Variants in ARHGAP23 observed in about 807,000 individuals in gnomAD.
ARHGAP23 encodes rho GTPase-activating protein 23.
A neutral mutation model predicts 136.3 loss-of-function variants in ARHGAP23; 34 were observed. That is an observed-to-expected ratio of 0.25 (90% CI 0.19 to 0.33). The LOEUF is 0.33. ARHGAP23 is among the 10% of genes least tolerant of loss of function. ARHGAP23 has a pLI of 1.00. For synonymous variants in ARHGAP23, 832 were observed against 920.5 expected, an observed-to-expected ratio of 0.90 and a Z score of 1.74; for missense variants, 1,808 against 2,139.0, an observed-to-expected ratio of 0.85 and a Z score of 3.05.
chr17:38,479,999 G>A (rs1597817213), intron 14 of ARHGAP23, 116 bp downstream of exon 14: 1 of 1,411,022 alleles, frequency 7.1e-7, no homozygotes, highest in Non-Finnish European at 9.6e-7. Flanking sequence ...CTGTGTGCCA[G>A]GGCTACCGGT....
intron 17 of ARHGAP23, 156 bp from the exon 18 acceptor site, chr17:38,489,946 T>A: frequency 1.5e-6 from 1 of 677,596 alleles, no homozygotes; most frequent in South Asian, 1.8e-5. Context: ...AGTGCAGCTG[T>A]GGTGGGTGTG....
intron 1 of ARHGAP23, among the ~76,000 whole-genome samples, chr17:38,422,395 C>T (rs755292566): frequency 1.3e-5 from 2 of 152,210 alleles, no homozygotes; most frequent in Non-Finnish European, 2.9e-5. Flanking sequence ...TTTTGTAAGG[C>T]ATCTTTGAGC....
chr17:38,467,027 C>G lies in ARHGAP23; in HGVS notation c.1344C>G (p.Thr448=), dbSNP rs1009480965. 1 of 1,550,918 alleles carries G rather than the reference C, an allele frequency of 6.4e-7. No individual in the cohort carries two copies. The highest frequency in any genetic ancestry group is 2.4e-5 in the East Asian group (1 of 40,922). Residue 448 remains threonine (T), a synonymous_variant, in exon 7 of 24, where the codon ACC becomes ACG. Transcript: ENST00000622683. Reference sequence around the variant, plus strand: ...ACTCACCCTTTGGGGGGCTGCCTACCTTCAACCTGGCCCAGTCCCCTGCGT... The same window carrying G: ...ACTCACCCTTTGGGGGGCTGCCTACGTTCAACCTGGCCCAGTCCCCTGCGT... ...FRDSPFGGLP[T]FNLAQSPASF...
chr17:38,467,388 C>T, intron 7 of ARHGAP23, 57 bp downstream of exon 7: 1 of 1,429,266 alleles, frequency 7.0e-7, no homozygotes, highest in South Asian at 1.5e-5. Context: ...TGTCTGTGTC[C>T]TGCTGTACCC....
Position 38,466,298 on chromosome 17 carries a change from C to T in ARHGAP23, c.615C>T (p.Ala205=). ...YAPPARASTR[A]TMVPEPTSAL... is the part of the protein sequence containing the mutation. Reference sequence around the variant, plus strand: ...CTCCTGCCCGGGCCTCCACCAGGGCCACTATGGTGCCTGAGCCCACCTCAG... The same window carrying T: ...CTCCTGCCCGGGCCTCCACCAGGGCTACTATGGTGCCTGAGCCCACCTCAG... Residue 205 remains alanine, a synonymous_variant, in exon 7 of 24, where the codon GCC becomes GCT. Coordinates refer to ENST00000622683, the MANE Select transcript of ARHGAP23 (RefSeq NM_001199417.2). 2 of 1,547,150 alleles carry T rather than the reference C, an allele frequency of 1.3e-6. No individual in the cohort carries two copies. The highest frequency in any genetic ancestry group is 1.7e-6 in the Non-Finnish European group (2 of 1,146,786).
At position 38,466,821 on chromosome 17, in the gene ARHGAP23, TG is replaced by T. The variant is rs1457774458; in HGVS notation, c.1141del (p.Ala381LeufsTer111). On this transcript the variant is annotated frameshift_variant, in exon 7 of 24. Coordinates refer to ENST00000622683, the MANE Select transcript of ARHGAP23 (RefSeq NM_001199417.2). LOFTEE classifies it high-confidence loss of function. ...LVSPRFERCG[W>X]ASQRSSARTP... The stretch of plus-strand genomic sequence containing the variant: ...GTCACCCCGCTTTGAGCGGTGTGGC[TG>T]GGCTTCCCAGCGTTCGTCTGCCCGC... The T allele has an allele frequency of 6.5e-7, 1 of 1,549,042 alleles. No homozygotes were observed. Among genetic ancestry groups the T allele is most frequent in the Non-Finnish European group, 8.7e-7 (1 of 1,146,538 alleles).
intron 1 of ARHGAP23, chr17:38,452,585 A>G (rs904343580): frequency 3.9e-5 from 6 of 152,212 alleles, no homozygotes; most frequent in Non-Finnish European, 7.3e-5. Flanking sequence ...CGGTGCTGCC[A>G]TAACAAGCTG....
chr17:38,484,708 G>C (rs1368111441), intron 16 of ARHGAP23, among the ~76,000 whole-genome samples: 2 of 152,112 alleles, frequency 1.3e-5, no homozygotes, highest in African/African-American at 2.4e-5. Context: ...TGAGATGAGG[G>C]GGCCATGCTG....
At chr17:38,480,481 A>G (rs2040010040) in intron 14 of ARHGAP23, among the ~76,000 whole-genome samples, 6 of 152,098 alleles carry the variant, frequency 3.9e-5, no homozygotes, top group Admixed American at 1.3e-4. Flanking sequence ...AAAAATACAA[A>G]AAATTAGCCG....
In ARHGAP23 at chr17:38,482,508, C is replaced by T. The variant is rs756901567; in HGVS notation, c.2752-15C>T. On this transcript the variant is annotated splice_polypyrimidine_tract_variant and intron_variant, in intron 15 of 23. Transcript: ENST00000622683. Reference sequence around the variant, plus strand: ...GGCCCCTGTCCCCCCTAACACCCCTCCCATGTGTCCCCAGCGCGTCCCCTT... The same window carrying T: ...GGCCCCTGTCCCCCCTAACACCCCTTCCATGTGTCCCCAGCGCGTCCCCTT... The T allele has an allele frequency of 3.9e-6, 6 of 1,533,290 alleles. No homozygotes were observed. The highest frequency in any genetic ancestry group is 1.2e-5 in the South Asian group (1 of 82,574). 95.0% of individuals were successfully genotyped at this position (1,533,290 alleles called of 1,614,324 possible).
chr17:38,491,339 T>C, intron 19 of ARHGAP23, 68 bp from the exon 20 acceptor site: 2 of 1,545,488 alleles, frequency 1.3e-6, no homozygotes, highest in Non-Finnish European at 1.7e-6. Context: ...GACAGAGGCC[T>C]CAGGTGCCAG....
chr17:38,422,495 C>T (rs2038529206), intron 1 of ARHGAP23, among the ~76,000 whole-genome samples: 1 of 152,160 alleles, frequency 6.6e-6, no homozygotes, highest in Non-Finnish European at 1.5e-5. Flanking sequence ...GGCTGGGTTT[C>T]CCAAACGTAG....
intron 1 of ARHGAP23, among the ~76,000 whole-genome samples, chr17:38,439,013 T>C (rs1162809315): frequency 1.3e-5 from 2 of 150,270 alleles, no homozygotes; most frequent in Non-Finnish European, 3.0e-5. Context: ...CATACATACA[T>C]AAAAATACAA....
chr17:38,439,733 T>A (rs1205573814), intron 1 of ARHGAP23, among the ~76,000 whole-genome samples: 1 of 151,890 alleles, frequency 6.6e-6, no homozygotes, highest in Non-Finnish European at 1.5e-5. Flanking sequence ...GAAGTGGGCC[T>A]GAGTCAGGAT....
intron 3 of ARHGAP23, among the ~76,000 whole-genome samples, chr17:38,461,501 C>T (rs989634415): frequency 6.6e-6 from 1 of 152,222 alleles, no homozygotes; most frequent in Admixed American, 6.5e-5. Flanking sequence ...GGCAGCCTTC[C>T]TGCTCTGCCA....
At chr17:38,436,462 G>T (rs573521580) in intron 1 of ARHGAP23, among the ~76,000 whole-genome samples, 51 of 152,308 alleles carry the variant, frequency 3.3e-4, no homozygotes, top group African/African-American at 1.2e-3. Flanking sequence ...GCAGGAGAAG[G>T]CCCTGATCCC....
At chr17:38,505,137 C>T (rs2040606040) in intron 23 of ARHGAP23, among the ~76,000 whole-genome samples, 2 of 150,988 alleles carry the variant, frequency 1.3e-5, no homozygotes, top group Non-Finnish European at 3.0e-5. Context: ...CCTGAGTTAG[C>T]TGGACTACAG....
At chr17:38,499,100 C>T (rs906703079) in intron 22 of ARHGAP23, 3 of 641,114 alleles carry the variant, frequency 4.7e-6, no homozygotes, top group Non-Finnish European at 8.5e-6. Flanking sequence ...TCCACTTACC[C>T]CAGCAGTCCA....
intron 23 of ARHGAP23, among the ~76,000 whole-genome samples, chr17:38,501,523 G>T (rs889351534): frequency 2.7e-5 from 4 of 150,482 alleles, no homozygotes; most frequent in Non-Finnish European, 4.4e-5. Flanking sequence ...GGATGGTCTT[G>T]ATCTCCTGAC....
Sources: gnomAD v4.1 joint callset for allele counts (sites outside exome capture counted in the v4.1 genomes callset) on GRCh38, gnomAD v4.1.1 for gene constraint, MANE v1.5 for transcripts, NCBI Gene and HGNC (gene_info 2026-07-23, HGNC 2026-07-21) for gene names.